Variants in ZFHX3 observed in about 807,000 individuals in gnomAD.
The protein encoded by ZFHX3 is zinc finger homeobox 3.
In ZFHX3, 42 loss-of-function variants were observed where a neutral mutation model predicts 279.1. That is an observed-to-expected ratio of 0.15 (90% CI 0.12 to 0.19). The LOEUF is 0.19. ZFHX3 is among the 10% of genes least tolerant of loss of function. The pLI, the probability that ZFHX3 is intolerant of heterozygous loss-of-function variation, is 1.00. For synonymous variants in ZFHX3, 2,293 were observed against 1,957.8 expected (o/e 1.17, Z -4.52); for missense variants, 4,981 against 4,754.0 (o/e 1.05, Z -1.40).
intron 2 of ZFHX3, among the ~76,000 whole-genome samples, chr16:73,604,499 A>T (rs1305376453): frequency 6.6e-6 from 1 of 152,110 alleles, no homozygotes; most frequent in Non-Finnish European, 1.5e-5. Context: ...TAATCCCAGC[A>T]CTTTGGGAGG....
At chr16:73,393,533 T>C (rs1426967380) in intron 3 of ZFHX3, among the ~76,000 whole-genome samples, 1 of 152,196 alleles carries the variant, frequency 6.6e-6, no homozygotes, top group African/African-American at 2.4e-5. Flanking sequence ...AACAAAGGTA[T>C]TTGCGCTGTT....
intron 1 of ZFHX3, among the ~76,000 whole-genome samples, chr16:73,770,432 T>C (rs1423049094): frequency 1.3e-5 from 2 of 152,224 alleles, no homozygotes; most frequent in African/African-American, 4.8e-5. Context: ...CATAAACTTG[T>C]ATTGCCTTAA....
intron 5 of ZFHX3, among the ~76,000 whole-genome samples, chr16:73,209,807 A>C (rs1438368357): frequency 6.6e-6 from 1 of 152,210 alleles, no homozygotes; most frequent in Non-Finnish European, 1.5e-5. Context: ...ATGAAAGTGA[A>C]AAAAGCATAT....
At chr16:73,278,122 G>C (rs1478524838) in intron 4 of ZFHX3, among the ~76,000 whole-genome samples, 1 of 152,092 alleles carries the variant, frequency 6.6e-6, no homozygotes, top group Non-Finnish European at 1.5e-5. Context: ...TGTCCAAAAG[G>C]GAACATTTTT....
chr16:73,595,651 A>G (rs894863618), intron 2 of ZFHX3, among the ~76,000 whole-genome samples: 1 of 152,158 alleles, frequency 6.6e-6, no homozygotes, highest in African/African-American at 2.4e-5. Flanking sequence ...ACATTTTCCA[A>G]GATTATCTTG....
chr16:72,916,147 A>G (rs2039436543), intron 3 of ZFHX3, among the ~76,000 whole-genome samples: 1 of 152,200 alleles, frequency 6.6e-6, no homozygotes, highest in African/African-American at 2.4e-5. Flanking sequence ...AGAGCAAGAG[A>G]CTGACTTCTT....
At chr16:73,762,974 G>T (rs1264884748) in intron 1 of ZFHX3, among the ~76,000 whole-genome samples, 1 of 152,138 alleles carries the variant, frequency 6.6e-6, no homozygotes, top group Non-Finnish European at 1.5e-5. Flanking sequence ...ATGTACCCTA[G>T]AACTTAAAAT....
chr16:72,927,355 C>CCTCCCAATTCATT (rs1959509441), intron 3 of ZFHX3, among the ~76,000 whole-genome samples: 1 of 152,182 alleles, frequency 6.6e-6, no homozygotes, highest in African/African-American at 2.4e-5. Context: ...CCTTAACAAT[C>CCTCCCAATTCATT]CTCCCGATTC....
intron 1 of ZFHX3, among the ~76,000 whole-genome samples, chr16:73,053,486 G>A (rs1163081548): frequency 6.6e-6 from 1 of 152,126 alleles, no homozygotes; most frequent in Non-Finnish European, 1.5e-5. Context: ...CGGTGGGTGG[G>A]GGCATGGAGA....
At chr16:72,966,355 A>G (rs1597029593) in intron 1 of ZFHX3, among the ~76,000 whole-genome samples, 1 of 152,378 alleles carries the variant, frequency 6.6e-6, no homozygotes, top group Non-Finnish European at 1.5e-5. Flanking sequence ...ACTTCAGGCA[A>G]TCTGCTAAAC....
At chr16:72,956,032 C>A (rs1241078324) in intron 2 of ZFHX3, among the ~76,000 whole-genome samples, 1 of 152,112 alleles carries the variant, frequency 6.6e-6, no homozygotes, top group African/African-American at 2.4e-5. Flanking sequence ...CAGTTGGTTT[C>A]AAATACCCTC....
intron 1 of ZFHX3, among the ~76,000 whole-genome samples, chr16:73,019,795 A>G (rs1246429957): frequency 1.3e-5 from 2 of 151,910 alleles, no homozygotes; most frequent in Non-Finnish European, 2.9e-5. Context: ...CCCTTTCTCT[A>G]TGGCTTCTTC....
Position 72,950,538 on chromosome 16 carries a change from G to A in ZFHX3, c.3147C>T (p.Thr1049=). 6.2e-7 allele frequency: 1 copy of A among 1,614,226 alleles called. No individual in the cohort carries two copies. Among genetic ancestry groups the A allele is most frequent in the Non-Finnish European group, 8.5e-7 (1 of 1,180,040 alleles). Residue 1049 remains threonine (T), a synonymous_variant, in exon 3 of 10, where the codon ACC becomes ACT. Coordinates refer to ENST00000268489, the MANE Select transcript of ZFHX3 (RefSeq NM_006885.4). ...HLKCNACDYY[T]NSLEKLRLHT... Reference sequence around the variant, plus strand: ...GCAGCCGCAGCTTCTCCAGGCTGTTGGTGTAGTAGTCACAGGCGTTGCACT... The same window carrying A: ...GCAGCCGCAGCTTCTCCAGGCTGTTAGTGTAGTAGTCACAGGCGTTGCACT...
chr16:73,713,061 C>T (rs1190129571), intron 1 of ZFHX3, among the ~76,000 whole-genome samples: 3 of 152,168 alleles, frequency 2.0e-5, no homozygotes, highest in East Asian at 1.9e-4. Flanking sequence ...AGACACCAGC[C>T]ACCCCATGCT....
intron 8 of ZFHX3, among the ~76,000 whole-genome samples, chr16:73,080,386 C>T (rs1965929666): frequency 6.6e-6 from 1 of 152,190 alleles, no homozygotes; most frequent in South Asian, 2.1e-4. Context: ...TGATCACAGC[C>T]TCCAGAACTG....
chr16:73,074,307 A>G (rs182679515), intron 8 of ZFHX3, among the ~76,000 whole-genome samples: 1 of 152,328 alleles, frequency 6.6e-6, no homozygotes, highest in African/African-American at 2.4e-5. Flanking sequence ...CCTCATATTC[A>G]GCTCTCTGAG....
chr16:73,812,675 C>CTTA (rs781525765), intron 1 of ZFHX3: 1 of 152,150 alleles, frequency 6.6e-6, no homozygotes, highest in Non-Finnish European at 1.5e-5. Context: ...TAGACTATAC[C>CTTA]TTATTCATCT....
At chr16:73,702,018 T>C (rs886782805) in intron 1 of ZFHX3, among the ~76,000 whole-genome samples, 17 of 152,244 alleles carry the variant, frequency 1.1e-4, no homozygotes, top group African/African-American at 3.6e-4. Context: ...CTGTGTGAAA[T>C]GCATTTATAT....
intron 5 of ZFHX3, among the ~76,000 whole-genome samples, chr16:73,159,979 T>A (rs1363229607): frequency 6.6e-6 from 1 of 152,170 alleles, no homozygotes; most frequent in Non-Finnish European, 1.5e-5. Context: ...ACCAGGTGGG[T>A]CTCGAACTCC....
Sources: allele counts gnomAD v4.1 joint callset (sites outside exome capture counted in the v4.1 genomes callset), GRCh38; gene constraint gnomAD v4.1.1; transcripts MANE v1.5; gene names NCBI Gene and HGNC (gene_info 2026-07-23, HGNC 2026-07-21).